The following KIF9 variants were observed in gnomAD, a reference collection of about 807,000 sequenced individuals.
KIF9 encodes kinesin-like protein KIF9.
KIF9 carries 68 observed loss-of-function variants against 94.8 expected under a neutral mutation model. That is an observed-to-expected ratio of 0.72 (90% CI 0.59 to 0.88). The LOEUF is 0.88. Ranked by LOEUF, KIF9 falls within the 40% of genes least tolerant of loss-of-function variation. The pLI, the probability that KIF9 is intolerant of heterozygous loss-of-function variation, is 0.00. For synonymous variants in KIF9, 343 were observed against 362.1 expected (o/e 0.95, Z 0.60); for missense variants, 882 against 982.5 (o/e 0.90, Z 1.37).
intron 18 of KIF9, 122 bp from the exon 19 acceptor site, chr3:47,236,271 C>A: frequency 1.0e-6 from 1 of 989,722 alleles, no homozygotes; most frequent in Non-Finnish European, 1.6e-6. Flanking sequence ...TTACCCTGTC[C>A]CCATCTCCAT....
chr3:47,271,522 G>C lies in KIF9; in HGVS notation c.367-61C>G. Reference sequence around the variant, plus strand: ...GAACCCCAACAGCCAACTAGCATAAGGGGGGCTTCCTAACTCAGAAGGGAA... The same window carrying C: ...GAACCCCAACAGCCAACTAGCATAACGGGGGCTTCCTAACTCAGAAGGGAA... On this transcript the variant is annotated intron_variant, in intron 4 of 20. Transcript: ENST00000684063. The C allele has an allele frequency of 4.9e-6, 6 of 1,232,308 alleles. No individual in the cohort carries two copies. The East Asian group carries it at 1.4e-4, about 29-fold the overall frequency. 76.3% of individuals were successfully genotyped at this position (1,232,308 alleles called of 1,614,324 possible). A position where few individuals can be genotyped will look rare whatever the true frequency, so the allele number is the denominator to read the frequency against.
intron 10 of KIF9, among the ~76,000 whole-genome samples, chr3:47,253,210 C>A (rs1700378207): frequency 6.6e-6 from 1 of 152,072 alleles, no homozygotes; most frequent in Admixed American, 6.5e-5. Context: ...GGCTGGAGTG[C>A]AATGGCATGA....
At position 47,235,452 on chromosome 3, in the gene KIF9, A is replaced by T. The variant is rs546461716; in HGVS notation, c.2322+61T>A. 47 of 1,149,030 alleles carry T rather than the reference A, an allele frequency of 4.1e-5. No homozygotes were observed. The East Asian group carries it at 1.1e-3, about 26-fold the overall frequency. 71.2% of individuals were successfully genotyped at this position (1,149,030 alleles called of 1,614,324 possible). ...CTACCTCTCTAAAGTAGGGAATATG[A>T]TCCTGGGTTTCCTAGTCACTGAGGC... is the stretch of plus-strand genomic sequence containing the variant. On this transcript the variant is annotated intron_variant, in intron 20 of 20. Transcript: ENST00000684063.
chr3:47,246,479 A>G (rs1699932662), intron 12 of KIF9: 1 of 338,154 alleles, frequency 3.0e-6, no homozygotes, highest in Admixed American at 4.8e-5. Context: ...CTGAGGCTAT[A>G]AAAACCACCT....
chr3:47,248,219 A>G, intron 10 of KIF9, 133 bp from the exon 11 acceptor site: 1 of 716,802 alleles, frequency 1.4e-6, no homozygotes. Context: ...TCCACAGGGT[A>G]TGCTTTCAGC....
chr3:47,264,219 G>T, intron 9 of KIF9, 67 bp downstream of exon 9: 1 of 1,235,594 alleles, frequency 8.1e-7, no homozygotes, highest in Non-Finnish European at 1.2e-6. Context: ...CCAGCCTGGA[G>T]CCTTACCCTG....
chr3:47,272,118 A>G (rs1245967916), intron 4 of KIF9, among the ~76,000 whole-genome samples: 1 of 151,976 alleles, frequency 6.6e-6, no homozygotes, highest in African/African-American at 2.4e-5. Context: ...ACTCCATCTA[A>G]AAAATAAATA....
At chr3:47,235,236 G>A (rs562830454) in intron 20 of KIF9, among the ~76,000 whole-genome samples, 1 of 152,330 alleles carries the variant, frequency 6.6e-6, no homozygotes, top group African/African-American at 2.4e-5. Flanking sequence ...CCTGACAGGT[G>A]GAAGCCTCAG....
In KIF9 at chr3:47,246,224, A is replaced by G. The variant is rs975531240; in HGVS notation, c.1262T>C (p.Val421Ala). Residue 421 changes from valine to alanine, a missense_variant, in exon 13 of 21, where the codon GTG becomes GCG. Transcript: ENST00000684063. Reference sequence around the variant, plus strand: ...CAGAACCACCCGGAACTGGTTGAACACCTCCTTGATCTGTCTAAGGCTGAT... The same window carrying G: ...CAGAACCACCCGGAACTGGTTGAACGCCTCCTTGATCTGTCTAAGGCTGAT... ...DIISLRQIKE[V>A]FNQFRVVLSQ... 1.4e-5 allele frequency: 23 copies of G among 1,613,292 alleles called. No individual in the cohort carries two copies. Among genetic ancestry groups the G allele is most frequent in the Non-Finnish European group, 1.9e-5 (23 of 1,179,688 alleles).
rs757411090 is a variant in KIF9 at position 47,243,284 on chromosome 3, A to C, written c.1515-39T>G. The stretch of plus-strand genomic sequence containing the variant: ...CGGAAGCCCCAGGGTTCAGTCATGG[A>C]CAGTGAGTTATCAGATGCCAGGATG... On this transcript the variant is annotated intron_variant, in intron 15 of 20. Coordinates refer to ENST00000684063, the MANE Select transcript of KIF9 (RefSeq NM_182902.4). The C allele has an allele frequency of 6.5e-6, 10 of 1,540,570 alleles. No homozygotes were observed. In the South Asian group the frequency reaches 1.2e-4, roughly 18 times the overall value.
chr3:47,256,726 A>C (rs1233313565), intron 10 of KIF9, among the ~76,000 whole-genome samples: 1 of 152,196 alleles, frequency 6.6e-6, no homozygotes, highest in East Asian at 1.9e-4. Context: ...GAAAGGATTG[A>C]GAAGTCGGAT....
chr3:47,260,484 G>A (rs1374721150), intron 9 of KIF9, among the ~76,000 whole-genome samples: 1 of 152,114 alleles, frequency 6.6e-6, no homozygotes, highest in Non-Finnish European at 1.5e-5. Context: ...AGGTGTGTAG[G>A]GGCAACCCAC....
rs1381624862 is a variant in KIF9 at position 47,282,770 on chromosome 3, G to A, written c.-281C>T. On this transcript the variant is annotated 5_prime_UTR_variant, in exon 1 of 21. Coordinates refer to ENST00000684063, the MANE Select transcript of KIF9 (RefSeq NM_182902.4). Reference sequence around the variant, plus strand: ...GCGAAGTCAAGGTCGAGATAGCGAGGGAACGAAGGCCGCACATGAACCAGG... The same window carrying A: ...GCGAAGTCAAGGTCGAGATAGCGAGAGAACGAAGGCCGCACATGAACCAGG... 9.1e-6 allele frequency: 13 copies of A among 1,429,120 alleles called. No individual in the cohort carries two copies. Among genetic ancestry groups the A allele is most frequent in the Non-Finnish European group, 1.2e-5 (13 of 1,095,684 alleles). The allele number at this position is 1,429,120 out of a possible 1,614,324, so 88.5% of individuals were successfully genotyped here. A position where few individuals can be genotyped will look rare whatever the true frequency, so the allele number is the denominator to read the frequency against.
rs776096807 is a variant in KIF9 at position 47,236,016 on chromosome 3, T to A, written c.2217+18A>T. 6.3e-6 allele frequency: 10 copies of A among 1,577,078 alleles called. No individual in the cohort carries two copies. The stretch of plus-strand genomic sequence containing the variant: ...CCATGTTCAACCACTGCCACACCCC[T>A]GCCCCTGTGCCGCTCACCAGAGACA... On this transcript the variant is annotated intron_variant, in intron 19 of 20. Transcript: ENST00000684063.
chr3:47,236,252 TC>T, intron 18 of KIF9, 103 bp from the exon 19 acceptor site: 1 of 1,038,664 alleles, frequency 9.6e-7, no homozygotes, highest in Non-Finnish European at 1.5e-6. Flanking sequence ...CACTTCCTGC[TC>T]CAAGGTCTTA....
intron 20 of KIF9, among the ~76,000 whole-genome samples, chr3:47,234,185 C>T (rs1214138255): frequency 6.6e-6 from 1 of 151,534 alleles, no homozygotes; most frequent in Non-Finnish European, 1.5e-5. Context: ...AAACAAGTGA[C>T]AGGGGTGCCC....
intron 9 of KIF9, 48 bp downstream of exon 9, chr3:47,264,238 C>A: frequency 7.0e-7 from 1 of 1,436,648 alleles, no homozygotes; most frequent in Non-Finnish European, 9.8e-7. Flanking sequence ...TGCCCTGGCA[C>A]CCATGAAGGG....
intron 9 of KIF9, among the ~76,000 whole-genome samples, chr3:47,261,476 G>A (rs780187705): frequency 4.2e-4 from 64 of 152,146 alleles, no homozygotes; most frequent in African/African-American, 1.4e-3. Context: ...TGGCAGTGAC[G>A]AACAGCCAGG....
Position 47,236,151 on chromosome 3 carries a change from T to C in KIF9, c.2102-2A>G, listed in dbSNP as rs1212583836. 1 of 1,607,622 alleles carries C rather than the reference T, an allele frequency of 6.2e-7. No homozygotes were observed. The highest frequency in any genetic ancestry group is 8.5e-7 in the Non-Finnish European group (1 of 1,174,264). On this transcript the variant is annotated splice_acceptor_variant, in intron 18 of 20. Transcript: ENST00000684063. LOFTEE classifies it high-confidence loss of function. ...ACTCATTGTACCAGATGTCAAATTC[T>C]ACAAGGAGGTGAGGAGACAGAACTT...
Sources: allele counts gnomAD v4.1 joint callset (sites outside exome capture counted in the v4.1 genomes callset), GRCh38; gene constraint gnomAD v4.1.1; transcripts MANE v1.5; gene names NCBI Gene and HGNC (gene_info 2026-07-23, HGNC 2026-07-21).